AUTS2: variants seen among roughly 807,000 people sequenced by gnomAD.
AUTS2 encodes the protein activator of transcription and developmental regulator AUTS2, also known as autism susceptibility gene 2 protein.
Under a neutral mutation model 112.4 loss-of-function variants are expected in AUTS2, and 17 were observed. The ratio of observed to expected loss-of-function variants is 0.15; its 90% confidence interval spans 0.10 to 0.23. The LOEUF (loss-of-function observed/expected upper bound fraction) is 0.23. AUTS2 is among the 10% of genes least tolerant of loss of function. The pLI is 1.00. For missense variants in AUTS2, 1,510 were observed against 1,701.6 expected (o/e 0.89, Z 1.98); for synonymous variants, 751 against 702.7 (o/e 1.07, Z -1.09).
intron 2 of AUTS2, among the ~76,000 whole-genome samples, chr7:70,069,713 T>TG (rs1390959963): frequency 2.0e-5 from 3 of 151,402 alleles, no homozygotes; most frequent in African/African-American, 4.8e-5. Flanking sequence ...TTTTTGTTTT[T>TG]TTTTTTTTCC....
At chr7:69,954,232 C>T (rs978436998) in intron 2 of AUTS2, among the ~76,000 whole-genome samples, 1 of 152,076 alleles carries the variant, frequency 6.6e-6, no homozygotes, top group Non-Finnish European at 1.5e-5. Context: ...TTTATTTATG[C>T]CACATAGTGA....
chr7:70,737,011 C>T (rs562337112), intron 6 of AUTS2, among the ~76,000 whole-genome samples: 1 of 152,320 alleles, frequency 6.6e-6, no homozygotes, highest in African/African-American at 2.4e-5. Flanking sequence ...ACAGTCTCCC[C>T]ATTAGTCAAA....
intron 6 of AUTS2, among the ~76,000 whole-genome samples, chr7:70,742,835 A>T (rs1788197465): frequency 6.6e-6 from 1 of 152,178 alleles, no homozygotes; most frequent in Non-Finnish European, 1.5e-5. Flanking sequence ...AAATAGACTA[A>T]TGCCAATAGA....
intron 5 of AUTS2, among the ~76,000 whole-genome samples, chr7:70,696,381 G>T (rs1809103340): frequency 6.6e-6 from 1 of 152,156 alleles, no homozygotes; most frequent in African/African-American, 2.4e-5. Flanking sequence ...AGGCCTTTCT[G>T]AGACACCCCC....
intron 5 of AUTS2, among the ~76,000 whole-genome samples, chr7:70,579,763 A>G (rs1467552062): frequency 2.0e-5 from 3 of 152,228 alleles, no homozygotes; most frequent in African/African-American, 7.2e-5. Context: ...TTGAATTCAC[A>G]ATTCCTCTGA....
chr7:69,989,962 G>A (rs1798675748), intron 2 of AUTS2, among the ~76,000 whole-genome samples: 1 of 152,166 alleles, frequency 6.6e-6, no homozygotes, highest in Non-Finnish European at 1.5e-5. Context: ...GGTGGAACAG[G>A]TGCATCCCAA....
At chr7:70,509,746 T>C (rs1003022224) in intron 5 of AUTS2, among the ~76,000 whole-genome samples, 1 of 152,136 alleles carries the variant, frequency 6.6e-6, no homozygotes, top group Non-Finnish European at 1.5e-5. Context: ...CATTTTACTC[T>C]CATCAAGGAC....
intron 4 of AUTS2, among the ~76,000 whole-genome samples, chr7:70,312,716 T>C (rs1789816799): frequency 6.6e-6 from 1 of 152,216 alleles, no homozygotes; most frequent in African/African-American, 2.4e-5. Flanking sequence ...ACTTCAAGGG[T>C]CTAGGACAGT....
intron 5 of AUTS2, chr7:70,596,200 G>T (rs1336965390): frequency 6.5e-6 from 1 of 152,760 alleles, no homozygotes; most frequent in Non-Finnish European, 1.5e-5. Context: ...GCGGCGCGCA[G>T]CTCCTGGGCC....
At chr7:69,678,714 GATAGCACACA>G in intron 1 of AUTS2, among the ~76,000 whole-genome samples, 1 of 152,314 alleles carries the variant, frequency 6.6e-6, no homozygotes, top group East Asian at 1.9e-4. Context: ...TATATTGCCA[GATAGCACACA>G]ATAGCACACA....
chr7:70,694,501 C>G lies in AUTS2; in HGVS notation c.691-4068C>G, dbSNP rs1346463520. 1 of 149,348 alleles carries G rather than the reference C, an allele frequency of 6.7e-6. No individual in the cohort carries two copies. The highest frequency in any genetic ancestry group is 2.4e-5 in the African/African-American group (1 of 41,062). 9.3% of individuals were successfully genotyped at this position (149,348 alleles called of 1,614,324 possible). Reference sequence around the variant, plus strand: ...GGAGAAGCCGCCGCGCGCCCTCCTCCTCCTCCTCCCTCTCCCTCCTCCCTC... The same window carrying G: ...GGAGAAGCCGCCGCGCGCCCTCCTCGTCCTCCTCCCTCTCCCTCCTCCCTC... On this transcript the variant is annotated intron_variant, in intron 5 of 18. Transcript: ENST00000342771. The surrounding 1 kb of genome is among the most constrained non-coding windows in gnomAD (Gnocchi z 4.1).
chr7:70,290,284 A>G (rs1788649133), intron 4 of AUTS2: 1 of 1,289,824 alleles, frequency 7.8e-7, no homozygotes, highest in Non-Finnish European at 1.0e-6. Flanking sequence ...CCAATGATGT[A>G]AAAAAAACAT....
At chr7:69,912,271 C>T (rs1394851208) in intron 2 of AUTS2, among the ~76,000 whole-genome samples, 3 of 152,150 alleles carry the variant, frequency 2.0e-5, no homozygotes, top group Admixed American at 6.5e-5. Flanking sequence ...CAAGACTGCT[C>T]GGGCAGGGGC....
intron 1 of AUTS2, among the ~76,000 whole-genome samples, chr7:69,779,157 G>A (rs1789034213): frequency 6.6e-6 from 1 of 151,514 alleles, no homozygotes; most frequent in East Asian, 1.9e-4. Context: ...CCAAAGTGCT[G>A]GGATTACAGG....
At chr7:70,577,259 G>A (rs1027862081) in intron 5 of AUTS2, among the ~76,000 whole-genome samples, 4 of 152,090 alleles carry the variant, frequency 2.6e-5, no homozygotes, top group Admixed American at 1.3e-4. Flanking sequence ...CATCATCACC[G>A]TGGCTGCTGG....
chr7:69,712,259 A>G (rs1798361768), intron 1 of AUTS2, among the ~76,000 whole-genome samples: 1 of 152,180 alleles, frequency 6.6e-6, no homozygotes, highest in South Asian at 2.1e-4. Context: ...AACCTTGGAT[A>G]TTTAGTATAC....
In AUTS2 at chr7:69,599,711, C is replaced by A; in HGVS notation, c.58C>A (p.Arg20=). 1 of 1,327,274 alleles carries A rather than the reference C, an allele frequency of 7.5e-7. No homozygotes were observed. The highest frequency in any genetic ancestry group is 9.6e-7 in the Non-Finnish European group (1 of 1,043,526). 82.2% of individuals were successfully genotyped at this position (1,327,274 alleles called of 1,614,324 possible). A position where few individuals can be genotyped will look rare whatever the true frequency, so the allele number is the denominator to read the frequency against. Residue 20 remains arginine (R), a synonymous_variant, in exon 1 of 19, where the codon CGA becomes AGA. Transcript: ENST00000342771. This position sits in a 1 kb window ranked among gnomAD's most constrained non-coding sequence, Gnocchi z 7.0. The part of the protein sequence containing the change: ...LRKKRRSRSQ[R]DRERRSRGGL... ...CAAAAAGCGGCGGTCGCGGTCGCAGCGAGACCGGGAGAGGCGCTCCCGGGG... is the reference window on the plus strand; with the variant it reads ...CAAAAAGCGGCGGTCGCGGTCGCAGAGAGACCGGGAGAGGCGCTCCCGGGG...
intron 2 of AUTS2, among the ~76,000 whole-genome samples, chr7:70,049,849 A>G (rs979718853): frequency 5.3e-5 from 8 of 151,794 alleles, no homozygotes; most frequent in Non-Finnish European, 1.0e-4. Context: ...ACAAAACCCA[A>G]CAAACGTGTG....
chr7:69,705,716 T>C (rs1395907405), intron 1 of AUTS2, among the ~76,000 whole-genome samples: 1 of 152,216 alleles, frequency 6.6e-6, no homozygotes, highest in African/African-American at 2.4e-5. Context: ...AGGGCCACTG[T>C]AACAAAGACC....
Sources: allele counts gnomAD v4.1 joint callset (sites outside exome capture counted in the v4.1 genomes callset), GRCh38; gene constraint gnomAD v4.1.1; non-coding constraint Gnocchi (gnomAD v3.1); transcripts MANE v1.5; gene names NCBI Gene and HGNC (gene_info 2026-07-23, HGNC 2026-07-21).